MAX: variants seen among roughly 807,000 people sequenced by gnomAD.
The protein encoded by MAX is MYC associated transcriptional regulator X, also known as protein max.
Under a neutral mutation model 22.3 loss-of-function variants are expected in MAX, and 3 were observed. The ratio of observed to expected loss-of-function variants is 0.13; its 90% confidence interval spans 0.06 to 0.35. The LOEUF (loss-of-function observed/expected upper bound fraction) is 0.35. Among genes scored for constraint, MAX ranks in the 10% least tolerant of loss-of-function variants. MAX has a pLI of 1.00. For missense variants in MAX, 119 were observed against 209.4 expected (o/e 0.57, Z 2.66); for synonymous variants, 72 against 77.7 (o/e 0.93, Z 0.39).
intron 1 of MAX, 34 bp from the exon 2 acceptor site, chr14:65,101,606 A>G: frequency 1.3e-6 from 2 of 1,509,862 alleles, no homozygotes; most frequent in Non-Finnish European, 1.8e-6. Context: ...AATAGAAAAT[A>G]TAGAAGTTAT....
In MAX at chr14:65,010,033, T is replaced by A. The variant is rs182243166; in HGVS notation, c.172-3749A>T. Reference sequence around the variant, plus strand: ...AAGAGAAACTGAGTCTGGCCTTCTCTTGTTTACAATTTGCCTTCACCTCTG... The same window carrying A: ...AAGAGAAACTGAGTCTGGCCTTCTCATGTTTACAATTTGCCTTCACCTCTG... On this transcript the variant is annotated intron_variant, in intron 3 of 3. Coordinates refer to the MAX transcript ENST00000341653. 1.4e-4 allele frequency among the ~76,000 whole-genome samples: 21 copies of A among 152,268 alleles called. No individual in the cohort carries two copies. The East Asian group carries it at 3.9e-3, about 28-fold the overall frequency.
rs565294694 is a variant in MAX, at chr14:65,075,367, A to G, written c.*1109T>C. The G allele has an allele frequency of 9.4e-7, 1 of 1,063,420 alleles. No individual in the cohort carries two copies. The highest frequency in any genetic ancestry group is 1.1e-6 in the Non-Finnish European group (1 of 877,798). The allele number at this position is 1,063,420 out of a possible 1,614,324, so 65.9% of individuals were successfully genotyped here. A position where few individuals can be genotyped will look rare whatever the true frequency, so the allele number is the denominator to read the frequency against. ...TCACTGGCATCTGCTGACCACAGCCAGAACCAGGGCTGGATCACACAATGG... is the reference window on the plus strand; with the variant it reads ...TCACTGGCATCTGCTGACCACAGCCGGAACCAGGGCTGGATCACACAATGG... On this transcript the variant is annotated 3_prime_UTR_variant, in exon 5 of 5. Coordinates refer to ENST00000358664, the MANE Select transcript of MAX (RefSeq NM_002382.5). The surrounding 1 kb of genome is among the most constrained non-coding windows in gnomAD (Gnocchi z 4.1).
intron 3 of MAX, among the ~76,000 whole-genome samples, chr14:65,041,746 A>G (rs2062359198): frequency 6.6e-6 from 1 of 152,106 alleles, no homozygotes; most frequent in Non-Finnish European, 1.5e-5. Context: ...AGTCTTTTTA[A>G]AGATTCATGA....
Position 65,097,436 on chromosome 14 carries a change from C to T in MAX, c.64-3621G>A, listed in dbSNP as rs532865498. ...GGCAAATAGCACGGGGAAATAAATG[C>T]TTCATTATTCCAGGATGCACAAGGT... On this transcript the variant is annotated intron_variant, in intron 2 of 4. Transcript: ENST00000358664. 9.8e-5 allele frequency among the ~76,000 whole-genome samples: 15 copies of T among 152,316 alleles called. No homozygotes were observed. The South Asian group carries it at 3.1e-3, about 32-fold the overall frequency.
Position 65,054,430 on chromosome 14 carries a change from T to G in MAX, c.171+39278A>C. Reference sequence around the variant, plus strand: ...CAGCCAGTGGGGCTTTAAATAACACTGCTGGGAAAACCATGCCTCCTCTAG... The same window carrying G: ...CAGCCAGTGGGGCTTTAAATAACACGGCTGGGAAAACCATGCCTCCTCTAG... On this transcript the variant is annotated intron_variant, in intron 3 of 3. Coordinates refer to the MAX transcript ENST00000341653. This position sits in a 1 kb window ranked among gnomAD's most constrained non-coding sequence, Gnocchi z 4.4. 1.3e-6 allele frequency: 1 copy of G among 782,966 alleles called. No individual in the cohort carries two copies. Among genetic ancestry groups the G allele is most frequent in the South Asian group, 1.7e-5 (1 of 58,018 alleles). The allele number at this position is 782,966 out of a possible 1,614,324, so 48.5% of individuals were successfully genotyped here. A position where few individuals can be genotyped will look rare whatever the true frequency, so the allele number is the denominator to read the frequency against.
chr14:65,024,820 T>C (rs1369887716), intron 3 of MAX, among the ~76,000 whole-genome samples: 1 of 152,224 alleles, frequency 6.6e-6, no homozygotes, highest in Non-Finnish European at 1.5e-5. Flanking sequence ...GGTCTCACTG[T>C]GTTGCCCAGG....
At chr14:65,101,605 T>C (rs762064579) in intron 1 of MAX, 33 bp from the exon 2 acceptor site, 4 of 1,503,994 alleles carry the variant, frequency 2.7e-6, no homozygotes, top group Non-Finnish European at 2.7e-6. Flanking sequence ...AAATAGAAAA[T>C]ATAGAAGTTA....
intron 3 of MAX, among the ~76,000 whole-genome samples, chr14:65,020,670 G>A (rs1224025345): frequency 5.3e-5 from 8 of 151,522 alleles, no homozygotes; most frequent in Non-Finnish European, 8.8e-5. Flanking sequence ...CTGACCTCAG[G>A]TGATCCACCT....
At chr14:65,043,778 C>T (rs1052030124) in intron 3 of MAX, among the ~76,000 whole-genome samples, 1 of 131,708 alleles carries the variant, frequency 7.6e-6, no homozygotes, top group Non-Finnish European at 1.6e-5. Context: ...GCCGAGATTG[C>T]GCCACTGCAG....
intron 3 of MAX, among the ~76,000 whole-genome samples, chr14:65,034,669 G>C (rs2062151576): frequency 1.3e-5 from 2 of 152,292 alleles, no homozygotes; most frequent in African/African-American, 4.8e-5. Context: ...GTGTTTCTCA[G>C]CTGAGATTTT....
rs1055754562 is a variant in MAX, at chr14:65,070,072, C to T, written c.171+23636G>A. ...ACTGTGCATGGGAGCCATGGGCTGC[C>T]GGGCTGCCAGGCTGCCAGCCGGATT... On this transcript the variant is annotated intron_variant, in intron 3 of 3. Transcript: ENST00000341653. The surrounding 1 kb of genome is among the most constrained non-coding windows in gnomAD (Gnocchi z 4.4). Among the ~76,000 whole-genome samples the T allele has an allele frequency of 2.0e-5, 3 of 151,130 alleles. No individual in the cohort carries two copies. Among genetic ancestry groups the T allele is most frequent in the Non-Finnish European group, 3.0e-5 (2 of 67,574 alleles).
At chr14:65,043,828 CAAAAAAAAAAAAAAAAA>C (rs749243788) in intron 3 of MAX, among the ~76,000 whole-genome samples, 6 of 64,244 alleles carry the variant, frequency 9.3e-5, no homozygotes, top group South Asian at 1.6e-3. Flanking sequence ...GACTCCGTCT[CAAAAAAAAAAAAAAAAA>C]AAAAAAAAAA....
chr14:65,072,442 C>A (rs749420817), downstream of MAX, among the ~76,000 whole-genome samples: 7 of 152,236 alleles, frequency 4.6e-5, no homozygotes, highest in Non-Finnish European at 1.0e-4. Context: ...CCGCCTCCCC[C>A]ACCTTCATCC....
At chr14:65,094,037 C>T (rs2063589123) in intron 2 of MAX, 3 of 584,962 alleles carry the variant, frequency 5.1e-6, no homozygotes, top group Non-Finnish European at 9.3e-6. Context: ...CAAAGTAGCT[C>T]GATGCATCCA....
intron 3 of MAX, among the ~76,000 whole-genome samples, chr14:65,065,644 C>T (rs1435717848): frequency 6.6e-6 from 1 of 152,170 alleles, no homozygotes; most frequent in Non-Finnish European, 1.5e-5. Flanking sequence ...GTATTATGAT[C>T]TCACGGGACC....
intron 3 of MAX, among the ~76,000 whole-genome samples, chr14:65,019,165 C>T (rs1231401280): frequency 2.1e-5 from 3 of 144,974 alleles, no homozygotes; most frequent in Non-Finnish European, 4.5e-5. Context: ...AAGAGTGAAA[C>T]TCCATCTCAA....
Position 65,100,468 on chromosome 14 carries a change from A to T in MAX, c.63+1078T>A, listed in dbSNP as rs183558938. 9.5e-4 allele frequency among the ~76,000 whole-genome samples: 144 copies of T among 152,240 alleles called. 1 individual carries two copies. The Middle Eastern group carries it at 0.01, about 11-fold the overall frequency. On this transcript the variant is annotated intron_variant, in intron 2 of 4. Transcript: ENST00000358664. Reference sequence around the variant, plus strand: ...TGTCTCAAAAATAAATAAATAAAATAAAATTAAAAATAGGAAGATCTGGCA... The same window carrying T: ...TGTCTCAAAAATAAATAAATAAAATTAAATTAAAAATAGGAAGATCTGGCA...
In MAX at chr14:65,084,382, TAGTTACCCTCTTCC is replaced by T; in HGVS notation, c.172-6360_172-6347del. 1 of 887,988 alleles carries T rather than the reference TAGTTACCCTCTTCC, an allele frequency of 1.1e-6. No homozygotes were observed. Among genetic ancestry groups the T allele is most frequent in the East Asian group, 2.6e-5 (1 of 37,838 alleles). 55.0% of individuals were successfully genotyped at this position (887,988 alleles called of 1,614,324 possible). Reference sequence around the variant, plus strand: ...AATTACTAACTTTTGTTTACTGAATTAGTTACCCTCTTCCAAAAAAAAAAATTCCAGTGATAATG... The same window carrying T: ...AATTACTAACTTTTGTTTACTGAATTAAAAAAAAAAATTCCAGTGATAATG... On this transcript the variant is annotated intron_variant, in intron 3 of 4. Coordinates refer to ENST00000358664, the MANE Select transcript of MAX (RefSeq NM_002382.5). This position sits in a 1 kb window ranked among gnomAD's most constrained non-coding sequence, Gnocchi z 4.3.
chr14:65,040,726 G>T (rs1163919214), intron 3 of MAX: 6 of 1,529,318 alleles, frequency 3.9e-6, no homozygotes, highest in Non-Finnish European at 4.4e-6. Flanking sequence ...CACCTAGGAT[G>T]GTCCTGGTCT....
Sources: gnomAD v4.1 joint callset for allele counts (sites outside exome capture counted in the v4.1 genomes callset) on GRCh38, gnomAD v4.1.1 for gene constraint, Gnocchi (gnomAD v3.1) non-coding constraint, MANE v1.5 for transcripts, NCBI Gene and HGNC (gene_info 2026-07-23, HGNC 2026-07-21) for gene names.